ADAMTS18: variants seen among roughly 807,000 people sequenced by gnomAD.
ADAMTS18 encodes ADAM metallopeptidase with thrombospondin type 1 motif 18, also known as A disintegrin and metalloproteinase with thrombospondin motifs 18.
ADAMTS18 carries 157 observed loss-of-function variants against 165.9 expected under a neutral mutation model. The observed-to-expected ratio is 0.95, with a 90% confidence interval of 0.83 to 1.08. The LOEUF (loss-of-function observed/expected upper bound fraction) is 1.08. ADAMTS18 is among the 50% of genes least tolerant of loss of function. The probability of loss-of-function intolerance (pLI) is 0.00; values close to 1 mark genes in which losing one functional copy is unlikely to be tolerated. For missense variants in ADAMTS18, 2,040 were observed against 1,534.0 expected, an observed-to-expected ratio of 1.33 and a Z score of -5.51; for synonymous variants, 782 against 578.2, an observed-to-expected ratio of 1.35 and a Z score of -5.06.
chr16:77,411,045 A>T (rs897898397), intron 3 of ADAMTS18, among the ~76,000 whole-genome samples: 1 of 152,236 alleles, frequency 6.6e-6, no homozygotes, highest in Non-Finnish European at 1.5e-5. Flanking sequence ...TGCCAATGAA[A>T]CATGAATATC....
intron 12 of ADAMTS18, among the ~76,000 whole-genome samples, chr16:77,334,513 G>A (rs1467983769): frequency 9.2e-6 from 1 of 109,114 alleles, no homozygotes; most frequent in East Asian, 2.6e-4. Flanking sequence ...GTATATTATA[G>A]TATATATTAT....
chr16:77,357,499 A>G (rs528793834), intron 8 of ADAMTS18, among the ~76,000 whole-genome samples: 1 of 152,346 alleles, frequency 6.6e-6, no homozygotes, highest in East Asian at 1.9e-4. Context: ...CTTTCTAAAT[A>G]TATTTGTGAA....
intron 3 of ADAMTS18, among the ~76,000 whole-genome samples, chr16:77,416,783 G>C (rs2057535881): frequency 6.6e-6 from 1 of 152,166 alleles, no homozygotes; most frequent in South Asian, 2.1e-4. Context: ...TCACCACTAT[G>C]AGAAGAATAG....
chr16:77,325,636 T>C (rs1445265783), intron 13 of ADAMTS18, among the ~76,000 whole-genome samples: 5 of 151,420 alleles, frequency 3.3e-5, no homozygotes, highest in African/African-American at 1.2e-4. Context: ...ATATGAAACC[T>C]TGGGTTTACA....
chr16:77,368,256 C>G (rs2056827304), intron 3 of ADAMTS18, among the ~76,000 whole-genome samples: 1 of 152,098 alleles, frequency 6.6e-6, no homozygotes, highest in Non-Finnish European at 1.5e-5. Flanking sequence ...CTTTCAGAGG[C>G]AGGGCTCACA....
At chr16:77,359,026 T>G (rs371990097) in intron 8 of ADAMTS18, among the ~76,000 whole-genome samples, 8 of 151,902 alleles carry the variant, frequency 5.3e-5, no homozygotes, top group African/African-American at 1.9e-4. Flanking sequence ...CAGCTAGAAG[T>G]GTCTTCATTG....
chr16:77,391,436 A>C (rs2057185276), intron 3 of ADAMTS18, among the ~76,000 whole-genome samples: 1 of 151,756 alleles, frequency 6.6e-6, no homozygotes, highest in South Asian at 2.1e-4. Context: ...AGTTGCAGTT[A>C]AGTCGAGATC....
At chr16:77,426,792 G>A (rs1245594588) in intron 3 of ADAMTS18, among the ~76,000 whole-genome samples, 1 of 152,128 alleles carries the variant, frequency 6.6e-6, no homozygotes, top group African/African-American at 2.4e-5. Flanking sequence ...GGAGGCTGAG[G>A]CAGGAAGATT....
At chr16:77,371,746 G>A (rs1303173541) in intron 3 of ADAMTS18, among the ~76,000 whole-genome samples, 5 of 152,030 alleles carry the variant, frequency 3.3e-5, no homozygotes, top group Non-Finnish European at 2.9e-5. Context: ...AAAAGCACAG[G>A]CAACAAAAGC....
chr16:77,347,778 G>C (rs1284835684), intron 10 of ADAMTS18, among the ~76,000 whole-genome samples: 3 of 151,984 alleles, frequency 2.0e-5, no homozygotes, highest in African/African-American at 7.2e-5. Context: ...ATTTTTTCTA[G>C]GTAGATAATA....
rs778021478 is a variant in ADAMTS18 at position 77,297,373 on chromosome 16, G to C, written c.2717C>G (p.Thr906Ser). ...ACTGCAGAATGAGGAATTGACTTGA[G>C]TATTTTGATCTCGCAAGCAAATGGC... ...VKAICLRDQN[T>S]QVNSSFCSAK... The change falls in exon 18 of 23, where the codon ACT (threonine) becomes AGT (serine). Residue 906 changes from threonine (T) to serine (S), a missense_variant. Physicochemically the swap from Thr to Ser is moderately conservative, Grantham distance 58. Coordinates refer to ENST00000282849, the MANE Select transcript of ADAMTS18 (RefSeq NM_199355.4). The C allele has an allele frequency of 1.2e-6, 2 of 1,613,698 alleles. 1 individual carries two copies. Among genetic ancestry groups the C allele is most frequent in the Admixed American group, 3.3e-5 (2 of 60,016 alleles).
Position 77,421,924 on chromosome 16 carries a change from A to T in ADAMTS18, c.495+9371T>A, listed in dbSNP as rs37917. ...AATAAGATAGATCTATACAAAAAAT[A>T]GATCTATGCAAAAAAACCTCCAAAA... On this transcript the variant is annotated intron_variant, in intron 3 of 22. Coordinates refer to ENST00000282849, the MANE Select transcript of ADAMTS18 (RefSeq NM_199355.4). Among the ~76,000 whole-genome samples the T allele has an allele frequency of 3.8e-3, 580 of 152,338 alleles. 2 individuals are homozygous for T. The highest frequency in any genetic ancestry group is 8.6e-3 in the Admixed American group (131 of 15,306).
chr16:77,306,277 CAG>C (rs899319245), intron 16 of ADAMTS18, among the ~76,000 whole-genome samples: 6 of 152,168 alleles, frequency 3.9e-5, no homozygotes, highest in African/African-American at 1.4e-4. Flanking sequence ...CACCTGACTT[CAG>C]ACACAACACT....
At chr16:77,287,761 A>C (rs941802859) in intron 22 of ADAMTS18, among the ~76,000 whole-genome samples, 14 of 152,114 alleles carry the variant, frequency 9.2e-5, no homozygotes, top group Non-Finnish European at 1.6e-4. Context: ...TGTGAGCCAC[A>C]GCACTCAGCC....
intron 3 of ADAMTS18, among the ~76,000 whole-genome samples, chr16:77,418,733 G>A (rs1449194518): frequency 6.6e-6 from 1 of 152,170 alleles, no homozygotes; most frequent in Non-Finnish European, 1.5e-5. Context: ...AATTTAAGAT[G>A]GCCATGAATC....
At chr16:77,293,282 T>A in intron 19 of ADAMTS18, 24 bp from the exon 20 acceptor site, 1 of 1,606,076 alleles carries the variant, frequency 6.2e-7, no homozygotes. Context: ...AAAAGTTCTA[T>A]TTGCATTCCC....
Position 77,328,209 on chromosome 16 carries a change from C to T in ADAMTS18, c.1860-2171G>A, listed in dbSNP as rs918835901. Among the ~76,000 whole-genome samples the T allele has an allele frequency of 3.3e-5, 5 of 152,114 alleles. No individual in the cohort carries two copies. In the South Asian group the frequency reaches 6.2e-4, roughly 19 times the overall value. ...AAATAAAGGAAAAAGAGCACCACCA[C>T]ATTGAAAATTACGCATAACATCGTA... is the stretch of plus-strand genomic sequence containing the variant. On this transcript the variant is annotated intron_variant, in intron 12 of 22. Transcript: ENST00000282849.
intron 3 of ADAMTS18, among the ~76,000 whole-genome samples, chr16:77,393,252 C>T (rs2057213495): frequency 6.6e-6 from 1 of 152,168 alleles, no homozygotes; most frequent in Admixed American, 6.5e-5. Flanking sequence ...ACTCGAAGTT[C>T]AGGGCAGTCA....
At chr16:77,308,697 A>C (rs1211181325) in intron 16 of ADAMTS18, among the ~76,000 whole-genome samples, 1 of 152,202 alleles carries the variant, frequency 6.6e-6, no homozygotes. Context: ...AGTGACCTTA[A>C]ATTACCTACA....
Sources: gnomAD v4.1 joint callset for allele counts (sites outside exome capture counted in the v4.1 genomes callset) on GRCh38, gnomAD v4.1.1 for gene constraint, MANE v1.5 for transcripts, NCBI Gene and HGNC (gene_info 2026-07-23, HGNC 2026-07-21) for gene names.